CDK14: variants seen among roughly 807,000 people sequenced by gnomAD.
CDK14 encodes the protein cyclin-dependent kinase 14.
In CDK14, 34 loss-of-function variants were observed where a neutral mutation model predicts 60.7. That is an observed-to-expected ratio of 0.56 (90% CI 0.43 to 0.75). The LOEUF (loss-of-function observed/expected upper bound fraction) is 0.75, where lower values mean the gene tolerates loss of function less well. CDK14 is among the 30% of genes least tolerant of loss of function. The pLI, the probability that CDK14 is intolerant of heterozygous loss-of-function variation, is 0.00. For synonymous variants in CDK14, 197 were observed against 203.7 expected (o/e 0.97, Z 0.28); for missense variants, 482 against 564.1 (o/e 0.85, Z 1.47).
At chr7:90,735,244 C>T (rs777406533) in intron 3 of CDK14, among the ~76,000 whole-genome samples, 21 of 152,130 alleles carry the variant, frequency 1.4e-4, no homozygotes, top group Non-Finnish European at 2.2e-4. Flanking sequence ...GAGTTTCCGT[C>T]GGTCCCCACT....
chr7:90,777,153 T>C (rs1047536226), intron 4 of CDK14, among the ~76,000 whole-genome samples: 1 of 152,190 alleles, frequency 6.6e-6, no homozygotes, highest in Non-Finnish European at 1.5e-5. Flanking sequence ...TTCCCAGTTA[T>C]GTTCTGGTAG....
intron 8 of CDK14, among the ~76,000 whole-genome samples, chr7:90,939,962 G>A (rs1177132267): frequency 1.3e-5 from 2 of 152,222 alleles, no homozygotes; most frequent in East Asian, 1.9e-4. Context: ...ATTTACAACC[G>A]ATGACTATTT....
At chr7:90,812,912 G>T (rs1207328583) in intron 5 of CDK14, among the ~76,000 whole-genome samples, 2 of 151,924 alleles carry the variant, frequency 1.3e-5, no homozygotes, top group Non-Finnish European at 2.9e-5. Context: ...TTCACTCCTG[G>T]GTATTGTCTA....
At chr7:90,811,943 C>A (rs949675054) in intron 5 of CDK14, among the ~76,000 whole-genome samples, 1 of 152,058 alleles carries the variant, frequency 6.6e-6, no homozygotes, top group Non-Finnish European at 1.5e-5. Context: ...GTTAGAATTG[C>A]GATCATTAAA....
chr7:91,097,480 T>C (rs1799027245), intron 12 of CDK14, among the ~76,000 whole-genome samples: 1 of 152,028 alleles, frequency 6.6e-6, no homozygotes, highest in South Asian at 2.1e-4. Flanking sequence ...AGTTAATATA[T>C]CTAATTGATA....
chr7:91,126,753 C>G (rs1316504624), intron 14 of CDK14, among the ~76,000 whole-genome samples: 1 of 152,174 alleles, frequency 6.6e-6, no homozygotes, highest in South Asian at 2.1e-4. Flanking sequence ...TTTCAGCTGC[C>G]TCAGAGACTT....
intron 3 of CDK14, among the ~76,000 whole-genome samples, chr7:90,741,182 A>G (rs1391349344): frequency 6.6e-6 from 1 of 152,232 alleles, no homozygotes; most frequent in African/African-American, 2.4e-5. Context: ...ATTTTCCAGC[A>G]GTTCCCTCAA....
intron 2 of CDK14, among the ~76,000 whole-genome samples, chr7:90,702,876 A>C (rs1801817211): frequency 6.6e-6 from 1 of 152,198 alleles, no homozygotes; most frequent in South Asian, 2.1e-4. Context: ...GGCTCTTTTA[A>C]GAGGGTTTTC....
intron 3 of CDK14, among the ~76,000 whole-genome samples, chr7:90,727,388 C>T (rs1350153611): frequency 6.6e-6 from 1 of 151,878 alleles, no homozygotes; most frequent in African/African-American, 2.4e-5. Context: ...AAGAGAATGT[C>T]CAGAAAGAAG....
intron 5 of CDK14, among the ~76,000 whole-genome samples, chr7:90,830,682 C>T (rs1374312234): frequency 1.3e-5 from 2 of 152,180 alleles, no homozygotes; most frequent in African/African-American, 4.8e-5. Flanking sequence ...GCTCTGCCTC[C>T]CTTTTAAACA....
chr7:90,710,454 A>G, intron 2 of CDK14: 1 of 985,090 alleles, frequency 1.0e-6, no homozygotes, highest in Middle Eastern at 5.2e-4. Context: ...AGTAGAATAA[A>G]TATCTCTAAT....
chr7:91,110,624 C>G (rs1799443498), intron 12 of CDK14, among the ~76,000 whole-genome samples: 1 of 152,212 alleles, frequency 6.6e-6, no homozygotes. Flanking sequence ...AATCACCTTT[C>G]TCTTCTTGTA....
chr7:90,722,426 G>A (rs1023821527), intron 2 of CDK14, among the ~76,000 whole-genome samples: 2 of 152,026 alleles, frequency 1.3e-5, no homozygotes, highest in Non-Finnish European at 2.9e-5. Flanking sequence ...GGTTGGTCTC[G>A]AACTCCTGAG....
intron 14 of CDK14, among the ~76,000 whole-genome samples, chr7:91,158,458 C>T (rs1018056785): frequency 1.2e-4 from 18 of 152,208 alleles, no homozygotes; most frequent in Admixed American, 6.5e-4. Flanking sequence ...CTCAAGCGAT[C>T]TGCCTGCCTT....
chr7:90,854,074 G>T (rs1391515844), intron 5 of CDK14, among the ~76,000 whole-genome samples: 1 of 152,156 alleles, frequency 6.6e-6, no homozygotes, highest in Non-Finnish European at 1.5e-5. Flanking sequence ...GCCTTTGGGT[G>T]CTGGGACTTG....
chr7:90,673,622 C>G (rs908882980), intron 2 of CDK14, among the ~76,000 whole-genome samples: 4 of 152,178 alleles, frequency 2.6e-5, no homozygotes, highest in African/African-American at 9.7e-5. Context: ...TGCTTGTTAA[C>G]AGTATTTTTT....
chr7:90,704,542 G>C (rs187128348), intron 2 of CDK14, among the ~76,000 whole-genome samples: 2 of 152,212 alleles, frequency 1.3e-5, no homozygotes, highest in Admixed American at 6.5e-5. Flanking sequence ...TTCCACATAA[G>C]TCCTTTGGTT....
rs576395106 is a variant in CDK14 at position 90,841,862 on chromosome 7, G to A, written c.545-21313G>A. The stretch of plus-strand genomic sequence containing the variant: ...TGTTGGGCACTGCGGTAGGTGTTTC[G>A]CATGTCCTCATGCAGCCTTTAATAC... On this transcript the variant is annotated intron_variant, in intron 5 of 14. Transcript: ENST00000380050. Among the ~76,000 whole-genome samples, 5 of 152,150 alleles carry A rather than the reference G, an allele frequency of 3.3e-5. No individual in the cohort carries two copies. The East Asian group carries it at 7.7e-4, about 24-fold the overall frequency.
chr7:90,759,477 T>C (rs1348306418), intron 4 of CDK14, among the ~76,000 whole-genome samples: 1 of 152,210 alleles, frequency 6.6e-6, no homozygotes, highest in African/African-American at 2.4e-5. Flanking sequence ...TCTGGGAGGA[T>C]TGGTGGTTTG....
Sources: gnomAD v4.1 joint callset for allele counts (sites outside exome capture counted in the v4.1 genomes callset) on GRCh38, gnomAD v4.1.1 for gene constraint, MANE v1.5 for transcripts, NCBI Gene and HGNC (gene_info 2026-07-23, HGNC 2026-07-21) for gene names.